Variants in PEBP4 observed in about 807,000 individuals in gnomAD.
The protein encoded by PEBP4 is phosphatidylethanolamine-binding protein 4.
PEBP4 carries 22 observed loss-of-function variants against 23.9 expected under a neutral mutation model. That is an observed-to-expected ratio of 0.92 (90% CI 0.66 to 1.31). The LOEUF (loss-of-function observed/expected upper bound fraction) is 1.31. Among genes scored for constraint, PEBP4 ranks in the 40% most tolerant of loss-of-function variants. The probability of loss-of-function intolerance (pLI) is 0.00; values close to 1 mark genes in which losing one functional copy is unlikely to be tolerated. For missense variants in PEBP4, 324 were observed against 281.7 expected (o/e 1.15, Z -1.07); for synonymous variants, 112 against 99.3 (o/e 1.13, Z -0.76).
At chr8:22,768,841 G>A (rs1158177981) in intron 4 of PEBP4, among the ~76,000 whole-genome samples, 6 of 152,152 alleles carry the variant, frequency 3.9e-5, no homozygotes, top group Non-Finnish European at 8.8e-5. Flanking sequence ...CGGCAGATAC[G>A]AGGCAGAAGG....
intron 4 of PEBP4, among the ~76,000 whole-genome samples, chr8:22,781,738 CAT>C (rs984683649): frequency 2.0e-5 from 3 of 152,202 alleles, no homozygotes; most frequent in African/African-American, 7.2e-5. Context: ...CAGACCCTCA[CAT>C]GTTTGGTCTT....
intron 4 of PEBP4, among the ~76,000 whole-genome samples, chr8:22,736,096 C>G (rs949306982): frequency 6.6e-5 from 10 of 152,068 alleles, no homozygotes; most frequent in South Asian, 2.1e-4. Context: ...TGTCTGCCCT[C>G]GGGGAACTCC....
chr8:22,931,298 A>G (rs1809452772), upstream of PEBP4, among the ~76,000 whole-genome samples: 1 of 152,188 alleles, frequency 6.6e-6, no homozygotes, highest in East Asian at 1.9e-4. Flanking sequence ...GAGTTTTCGT[A>G]TGTTCACAAG....
At position 22,819,380 on chromosome 8, in the gene PEBP4, T is replaced by TG. The variant is rs1482023519; in HGVS notation, c.259-1646dup. On this transcript the variant is annotated intron_variant, in intron 3 of 6. Transcript: ENST00000256404. ...GATGTGACAATCTGATTTGACAACT[T>TG]GGATATCACTGTTATCACGATAAGA... Among the ~76,000 whole-genome samples the TG allele has an allele frequency of 3.3e-5, 5 of 152,286 alleles. No homozygotes were observed. In the East Asian group the frequency reaches 9.6e-4, roughly 29 times the overall value.
At chr8:22,925,052 G>A in intron 2 of PEBP4, 2 of 985,378 alleles carry the variant, frequency 2.0e-6, no homozygotes, top group Non-Finnish European at 2.4e-6. Flanking sequence ...TGGGGATCTT[G>A]AGGAGGGGTC....
rs113454179 is a variant in PEBP4 at position 22,715,345 on chromosome 8, C to T, written c.518-1809G>A. The stretch of plus-strand genomic sequence containing the variant: ...CTCTGCACCCTAGGAGCCCAGCTGG[C>T]TGGAAGGAAAGGAATTATGGTATTA... On this transcript the variant is annotated intron_variant, in intron 6 of 6. Transcript: ENST00000256404. Among the ~76,000 whole-genome samples, 265 of 152,302 alleles carry T rather than the reference C, an allele frequency of 1.7e-3. 1 individual carries two copies. Among genetic ancestry groups the T allele is most frequent in the African/African-American group, 6.0e-3 (249 of 41,550 alleles).
At chr8:22,795,212 G>A (rs1202227395) in intron 4 of PEBP4, among the ~76,000 whole-genome samples, 1 of 114,520 alleles carries the variant, frequency 8.7e-6, no homozygotes, top group African/African-American at 3.4e-5. Flanking sequence ...GTCTCGCTCT[G>A]TCATCCAGTC....
chr8:22,884,778 T>A (rs1467236897), intron 3 of PEBP4: 6 of 152,302 alleles, frequency 3.9e-5, no homozygotes, highest in African/African-American at 1.4e-4. Flanking sequence ...TGTCCTCTCC[T>A]TAATTTTGCT....
In PEBP4 at chr8:22,817,717, C is replaced by T. The variant is rs759855948; in HGVS notation, c.277G>A (p.Val93Met). The T allele has an allele frequency of 6.2e-7, 1 of 1,614,168 alleles. No homozygotes were observed. Among genetic ancestry groups the T allele is most frequent in the Non-Finnish European group, 8.5e-7 (1 of 1,180,008 alleles). Reference sequence around the variant, plus strand: ...CTAGGGGCATCTGGATCCACCATCACCAGGATATAGGTTGCGCCCTGTAAC... The same window carrying T: ...CTAGGGGCATCTGGATCCACCATCATCAGGATATAGGTTGCGCCCTGTAAC... ...GAVDGATYIL[V>M]MVDPDAPSRA... Residue 93 changes from valine to methionine, a missense_variant, in exon 4 of 7, where the codon GTG (valine) becomes ATG (methionine). Physicochemically the swap from Val to Met is conservative, Grantham distance 21. Transcript: ENST00000256404.
chr8:22,820,524 T>C (rs1806836502), intron 3 of PEBP4, among the ~76,000 whole-genome samples: 1 of 152,166 alleles, frequency 6.6e-6, no homozygotes, highest in African/African-American at 2.4e-5. Context: ...CTTTCTGATG[T>C]TCTAAATGCT....
chr8:22,912,896 G>T (rs17088771), intron 3 of PEBP4, among the ~76,000 whole-genome samples: 29,754 of 152,080 alleles, frequency 0.2, 3,171 homozygotes, highest in Middle Eastern at 0.26. Context: ...CCTGGGTGCT[G>T]CGCGCCCTCC....
chr8:22,810,915 A>AGAGAGAGAGAGAG (rs58234891), intron 4 of PEBP4, among the ~76,000 whole-genome samples: 2 of 148,456 alleles, frequency 1.3e-5, no homozygotes, highest in South Asian at 2.1e-4. Flanking sequence ...AGAGAGAGAG[A>AGAGAGAGAGAGAG]AACCTCCTAG....
At chr8:22,749,647 G>T (rs1805204239) in intron 4 of PEBP4, among the ~76,000 whole-genome samples, 1 of 152,076 alleles carries the variant, frequency 6.6e-6, no homozygotes, top group South Asian at 2.1e-4. Flanking sequence ...CAGCTATGCA[G>T]GCACCAATGA....
intron 4 of PEBP4, among the ~76,000 whole-genome samples, chr8:22,769,843 A>C (rs1364846500): frequency 1.3e-5 from 2 of 152,228 alleles, no homozygotes; most frequent in Non-Finnish European, 2.9e-5. Flanking sequence ...GAGAAAAAAG[A>C]AAAGAAAGCC....
chr8:22,836,682 T>C (rs1807211208), intron 3 of PEBP4, among the ~76,000 whole-genome samples: 1 of 152,216 alleles, frequency 6.6e-6, no homozygotes. Context: ...TTGTACTCTG[T>C]CCCCTCCTCA....
intron 4 of PEBP4, among the ~76,000 whole-genome samples, chr8:22,802,371 C>T (rs2128759012): frequency 6.6e-6 from 1 of 152,344 alleles, no homozygotes; most frequent in Middle Eastern, 3.4e-3. Context: ...ATTCCTGTAG[C>T]TGCCCCCAAC....
chr8:22,925,093 G>A, intron 2 of PEBP4: 2 of 985,302 alleles, frequency 2.0e-6, no homozygotes, highest in Non-Finnish European at 2.4e-6. Context: ...CTCCTCAGGG[G>A]TCCGATCTGT....
At chr8:22,862,727 C>A (rs192912215) in intron 3 of PEBP4, among the ~76,000 whole-genome samples, 39 of 152,142 alleles carry the variant, frequency 2.6e-4, no homozygotes, top group African/African-American at 9.2e-4. Flanking sequence ...GTCACAACCT[C>A]CCTATGGCCA....
At chr8:22,934,903 T>C (rs1001200651) in intron 1 of PEBP4, among the ~76,000 whole-genome samples, 4 of 151,956 alleles carry the variant, frequency 2.6e-5, no homozygotes, top group African/African-American at 9.7e-5. Context: ...AGGACACAAA[T>C]AGATTGAAAG....
Sources: gnomAD v4.1 joint callset for allele counts (sites outside exome capture counted in the v4.1 genomes callset) on GRCh38, gnomAD v4.1.1 for gene constraint, MANE v1.5 for transcripts, NCBI Gene and HGNC (gene_info 2026-07-23, HGNC 2026-07-21) for gene names.